The following CFAP97 variants were observed in gnomAD, a reference collection of about 807,000 sequenced individuals.
CFAP97 encodes the protein cilia and flagella associated protein 97, also known as cilia- and flagella-associated protein 97.
A neutral mutation model predicts 43.1 loss-of-function variants in CFAP97; 36 were observed. The ratio of observed to expected loss-of-function variants is 0.84; its 90% CI spans 0.64 to 1.10. The LOEUF (loss-of-function observed/expected upper bound fraction) is 1.10. Among genes scored for constraint, CFAP97 ranks in the 50% least tolerant of loss-of-function variants. CFAP97 has a pLI of 0.00. For missense variants in CFAP97, 657 were observed against 620.3 expected (o/e 1.06, Z -0.63); for synonymous variants, 228 against 225.7 (o/e 1.01, Z -0.09).
chr4:185,200,513 G>A (rs1393918673), intron 1 of CFAP97, among the ~76,000 whole-genome samples: 3 of 152,124 alleles, frequency 2.0e-5, no homozygotes, highest in Non-Finnish European at 2.9e-5. Context: ...GGTAGCACAT[G>A]TCTGTAATCC....
chr4:185,162,249 T>G lies in CFAP97; in HGVS notation c.*549A>C, dbSNP rs770936550. ...TGGTGAATTACAAGAATTGCTCCAATAGAAGCGTCTCTCAATCTGCTCATC... is the reference window on the plus strand; with the variant it reads ...TGGTGAATTACAAGAATTGCTCCAAGAGAAGCGTCTCTCAATCTGCTCATC... On this transcript the variant is annotated 3_prime_UTR_variant, in exon 5 of 5. Transcript: ENST00000458385. 1.3e-5 allele frequency: 2 copies of G among 153,134 alleles called. No homozygotes were observed. Among genetic ancestry groups the G allele is most frequent in the Non-Finnish European group, 2.9e-5 (2 of 68,664 alleles). The allele number at this position is 153,134 out of a possible 1,614,324, so 9.5% of individuals were successfully genotyped here. A position where few individuals can be genotyped will look rare whatever the true frequency, so the allele number is the denominator to read the frequency against.
intron 2 of CFAP97, among the ~76,000 whole-genome samples, chr4:185,183,653 T>C (rs1252668664): frequency 6.6e-6 from 1 of 152,242 alleles, no homozygotes; most frequent in Non-Finnish European, 1.5e-5. Context: ...TGAAAAATGA[T>C]TGCAATACCT....
chr4:185,168,994 C>A (rs1735178549), intron 3 of CFAP97: 1 of 152,002 alleles, frequency 6.6e-6, no homozygotes, highest in South Asian at 2.1e-4. Context: ...GGTATACATG[C>A]TGAAATAACA....
chr4:185,197,506 C>T (rs1246662720), intron 1 of CFAP97, among the ~76,000 whole-genome samples: 2 of 152,050 alleles, frequency 1.3e-5, no homozygotes, highest in African/African-American at 4.8e-5. Context: ...CGGCTCACCG[C>T]AACCTCAGAC....
chr4:185,187,469 G>C (rs1736050430), intron 2 of CFAP97, among the ~76,000 whole-genome samples: 1 of 151,988 alleles, frequency 6.6e-6, no homozygotes, highest in African/African-American at 2.4e-5. Context: ...TTGCGACACA[G>C]AGAGGCATGG....
upstream of CFAP97, among the ~76,000 whole-genome samples, chr4:185,207,397 T>A (rs1737234703): frequency 6.6e-6 from 1 of 151,914 alleles, no homozygotes; most frequent in Non-Finnish European, 1.5e-5. Flanking sequence ...TTTGTATTTT[T>A]AGTAGAGACG....
chr4:185,187,937 G>T (rs757405260), intron 2 of CFAP97, among the ~76,000 whole-genome samples: 17 of 151,712 alleles, frequency 1.1e-4, no homozygotes, highest in Non-Finnish European at 2.4e-4. Flanking sequence ...TCGCTCTGTC[G>T]CCAGGCTGGA....
chr4:185,184,775 C>T (rs1735943493), intron 2 of CFAP97, among the ~76,000 whole-genome samples: 1 of 152,174 alleles, frequency 6.6e-6, no homozygotes, highest in Admixed American at 6.5e-5. Context: ...GCCCAGAAAT[C>T]AGACTATTTT....
intron 3 of CFAP97, among the ~76,000 whole-genome samples, chr4:185,172,850 C>CAAA (rs1159858914): frequency 1.0e-3 from 53 of 52,470 alleles, no homozygotes; most frequent in African/African-American, 1.3e-3. Context: ...CCCATCTCTA[C>CAAA]AAAAAAAAAA....
At chr4:185,192,385 G>C (rs528989085) in intron 1 of CFAP97, among the ~76,000 whole-genome samples, 1 of 152,194 alleles carries the variant, frequency 6.6e-6, no homozygotes, top group African/African-American at 2.4e-5. Flanking sequence ...GACACATGGA[G>C]TTAAGTATTA....
chr4:185,193,684 G>A (rs926023747), intron 1 of CFAP97, among the ~76,000 whole-genome samples: 16 of 152,068 alleles, frequency 1.1e-4, no homozygotes, highest in African/African-American at 3.6e-4. Flanking sequence ...ATGCAATTAT[G>A]TGCTCACTAT....
In CFAP97 at chr4:185,190,440, T is replaced by C; in HGVS notation, c.757A>G (p.Thr253Ala). The C allele has an allele frequency of 4.3e-6, 7 of 1,613,882 alleles. No homozygotes were observed. Among genetic ancestry groups the C allele is most frequent in the Non-Finnish European group, 5.9e-6 (7 of 1,179,828 alleles). The change falls in exon 2 of 5, where the codon ACT becomes GCT. Residue 253 changes from threonine (T) to alanine (A), a missense_variant. Transcript: ENST00000458385. ...HYPEESEDTV[T>A]DVSPLSTPDI... ...GGAGTTGATAAGGGACTTACGTCAG[T>C]CACAGTATCTTCAGACTCCTCAGGG...
In CFAP97 at chr4:185,162,769, G is replaced by A; in HGVS notation, c.*29C>T. 6.2e-7 allele frequency: 1 copy of A among 1,606,598 alleles called. No individual in the cohort carries two copies. Among genetic ancestry groups the A allele is most frequent in the Non-Finnish European group, 8.5e-7 (1 of 1,176,166 alleles). On this transcript the variant is annotated 3_prime_UTR_variant, in exon 5 of 5. Coordinates refer to ENST00000458385, the MANE Select transcript of CFAP97 (RefSeq NM_020827.3). ...GCACGAGCACTTCAAGAAAAGTTGT[G>A]TGAACAATGTTTAAAGTAAAAAAGT...
rs769114831 is a variant in CFAP97 at position 185,190,493 on chromosome 4, G to T, written c.704C>A (p.Ser235Ter). 1.5e-5 allele frequency: 24 copies of T among 1,613,846 alleles called. No individual in the cohort carries two copies. Among genetic ancestry groups the T allele is most frequent in the Admixed American group, 3.3e-5 (2 of 60,000 alleles). Reference protein sequence around the residue: ...SGIKSTETQPSSTTPKCGHYP... With the variant: ...SGIKSTETQP ...GTGGCCACATTTTGGTGTAGTACTT[G>T]AAGGCTGTGTTTCTGTCGATTTTAT... is the stretch of plus-strand genomic sequence containing the variant. The change falls in exon 2 of 5, where the codon TCA (serine) becomes TAA (stop). Residue 235 changes from serine (S) to a stop codon, truncating the protein, a stop_gained. Transcript: ENST00000458385. LOFTEE classifies it high-confidence loss of function.
intron 1 of CFAP97, among the ~76,000 whole-genome samples, chr4:185,199,660 ACT>A (rs1278739995): frequency 6.6e-6 from 1 of 151,978 alleles, no homozygotes; most frequent in African/African-American, 2.4e-5. Context: ...AGGCAGCAAG[ACT>A]CTGTCCAAAA....
chr4:185,175,328 A>C (rs1325212614), intron 3 of CFAP97, among the ~76,000 whole-genome samples: 1 of 151,530 alleles, frequency 6.6e-6, no homozygotes, highest in Non-Finnish European at 1.5e-5. Context: ...GTCCAGTGGT[A>C]GAATCTCGGC....
intron 3 of CFAP97, chr4:185,170,381 C>T (rs866908922): frequency 1.1e-5 from 5 of 467,828 alleles, no homozygotes; most frequent in African/African-American, 2.0e-5. Flanking sequence ...TGTATACTAG[C>T]AGACAAAGCA....
intron 2 of CFAP97, among the ~76,000 whole-genome samples, chr4:185,185,442 C>T (rs1735968770): frequency 6.6e-6 from 1 of 152,152 alleles, no homozygotes; most frequent in African/African-American, 2.4e-5. Context: ...ACAATTCTGT[C>T]ACTTCAAGGA....
At chr4:185,191,325 G>C in intron 1 of CFAP97, 113 bp from the exon 2 acceptor site, 1 of 733,910 alleles carries the variant, frequency 1.4e-6, no homozygotes, top group South Asian at 3.2e-5. Flanking sequence ...TATATAAAAA[G>C]AAACATTATA....
Sources: allele counts gnomAD v4.1 joint callset (sites outside exome capture counted in the v4.1 genomes callset), GRCh38; gene constraint gnomAD v4.1.1; transcripts MANE v1.5; gene names NCBI Gene and HGNC (gene_info 2026-07-23, HGNC 2026-07-21).